DNAAF9: variants seen among roughly 807,000 people sequenced by gnomAD.
DNAAF9 encodes the protein dynein axonemal assembly factor 9.
A neutral mutation model predicts 167.0 loss-of-function variants in DNAAF9; 90 were observed. That is an observed-to-expected ratio of 0.54 (90% confidence interval 0.45 to 0.64). The LOEUF (loss-of-function observed/expected upper bound fraction) is 0.64, where lower values mean the gene tolerates loss of function less well. Ranked by LOEUF, DNAAF9 falls within the 30% of genes least tolerant of loss-of-function variation. DNAAF9 has a pLI of 0.00. For missense variants in DNAAF9, 1,315 were observed against 1,442.2 expected, an observed-to-expected ratio of 0.91 and a Z score of 1.43; for synonymous variants, 491 against 508.8, an observed-to-expected ratio of 0.96 and a Z score of 0.47.
intron 30 of DNAAF9, among the ~76,000 whole-genome samples, chr20:3,268,920 T>TTTTTTTTTTTC (rs1568568208): frequency 7.9e-6 from 1 of 126,880 alleles, no homozygotes; most frequent in African/African-American, 3.0e-5. Context: ...TTTTTTTTTT[T>TTTTTTTTTTTC]TGAGACAGAG....
chr20:3,279,070 GC>G, intron 28 of DNAAF9, 121 bp from the exon 29 acceptor site: 2 of 736,372 alleles, frequency 2.7e-6, no homozygotes, highest in Non-Finnish European at 4.8e-6. Context: ...GAGGCAGGTG[GC>G]AGCAGCACTG....
chr20:3,405,244 C>A (rs1314449412), intron 1 of DNAAF9, among the ~76,000 whole-genome samples: 1 of 152,166 alleles, frequency 6.6e-6, no homozygotes, highest in Non-Finnish European at 1.5e-5. Context: ...TATTTTAATT[C>A]TTGATCTCCA....
rs374956285 is a variant in DNAAF9, at chr20:3,298,057, G to C, written c.1901C>G (p.Ser634Trp). 1 of 1,613,116 alleles carries C rather than the reference G, an allele frequency of 6.2e-7. No individual in the cohort carries two copies. Among genetic ancestry groups the C allele is most frequent in the Admixed American group, 1.7e-5 (1 of 60,008 alleles). Residue 634 changes from serine (S) to tryptophan (W), a missense_variant, in exon 22 of 37, where the codon TCG becomes TGG. Transcript: ENST00000252032. Reference protein sequence around the residue: ...NFLMIALFPKSKIYQAFYSEV... With the variant: ...NFLMIALFPKWKIYQAFYSEV... ...TGAGTAAAATGCTTGGTATATCTTC[G>C]ATTTGGGGAAAAGGGCAATCATCAG...
intron 6 of DNAAF9, among the ~76,000 whole-genome samples, chr20:3,368,813 C>T (rs983823435): frequency 6.6e-6 from 1 of 152,070 alleles, no homozygotes; most frequent in African/African-American, 2.4e-5. Flanking sequence ...CCACTGCGCC[C>T]GGCCATCCTG....
chr20:3,288,790 A>C (rs1239765616), intron 26 of DNAAF9, among the ~76,000 whole-genome samples: 2 of 152,094 alleles, frequency 1.3e-5, no homozygotes, highest in African/African-American at 2.4e-5. Flanking sequence ...TCCTGATTTC[A>C]CCTGGGCCAA....
chr20:3,274,425 G>A (rs931279208), intron 29 of DNAAF9, among the ~76,000 whole-genome samples: 4 of 152,188 alleles, frequency 2.6e-5, no homozygotes, highest in Non-Finnish European at 5.9e-5. Context: ...ATGCAGGTGT[G>A]AGCCACTGCG....
At chr20:3,340,433 T>TCCGGGGGGGGCCCCCCCCCCCCCC in intron 10 of DNAAF9, 71 bp downstream of exon 10, 1 of 221,212 alleles carries the variant, frequency 4.5e-6, no homozygotes, top group East Asian at 1.2e-4. Context: ...TTTGTCTAGC[T>TCCGGGGGGGGCCCCCCCCCCCCCC]CCCCCCACCC....
intron 25 of DNAAF9, 39 bp downstream of exon 25, chr20:3,294,093 GATCATCT>G (rs1185237563): frequency 9.3e-7 from 1 of 1,080,860 alleles, no homozygotes; most frequent in South Asian, 1.3e-5. Context: ...AGGCTCTCAA[GATCATCT>G]TCCTGTGAAT....
At chr20:3,363,631 C>T (rs900795295) in intron 6 of DNAAF9, among the ~76,000 whole-genome samples, 1 of 150,366 alleles carries the variant, frequency 6.7e-6, no homozygotes. Context: ...AGCAGGAGGA[C>T]AGTATGAGCC....
At position 3,369,675 on chromosome 20, in the gene DNAAF9, C is replaced by A. The variant is rs116696284; in HGVS notation, c.612+4373G>T. Among the ~76,000 whole-genome samples the A allele has an allele frequency of 9.0e-3, 1,378 of 152,284 alleles. 22 individuals are homozygous for A. The highest frequency in any genetic ancestry group is 0.032 in the African/African-American group (1,323 of 41,544). On this transcript the variant is annotated intron_variant, in intron 6 of 36. Coordinates refer to ENST00000252032, the MANE Select transcript of DNAAF9 (RefSeq NM_001009984.3). ...TACAGGTGTGAGCCACCAAGCCCGG[C>A]CTAAAGTTAACTTTAAAGGTTAAAG...
chr20:3,269,159 G>A (rs1219605205), intron 30 of DNAAF9, among the ~76,000 whole-genome samples: 1 of 150,718 alleles, frequency 6.6e-6, no homozygotes, highest in Admixed American at 6.6e-5. Flanking sequence ...CGCCTGCCTT[G>A]GCCTCCCAAA....
intron 10 of DNAAF9, among the ~76,000 whole-genome samples, chr20:3,333,964 C>T (rs1005914960): frequency 1.5e-4 from 23 of 152,096 alleles, no homozygotes; most frequent in East Asian, 7.7e-4. Context: ...TCATAGAGCA[C>T]GACTCTTAAA....
At chr20:3,328,959 T>A (rs2069768906) in intron 12 of DNAAF9, among the ~76,000 whole-genome samples, 1 of 150,780 alleles carries the variant, frequency 6.6e-6, no homozygotes, top group Non-Finnish European at 1.5e-5. Context: ...AACCTCTGTA[T>A]CCCAGGTTCA....
chr20:3,310,079 C>T (rs563643980), intron 20 of DNAAF9, among the ~76,000 whole-genome samples: 1 of 152,062 alleles, frequency 6.6e-6, no homozygotes, highest in Non-Finnish European at 1.5e-5. Context: ...GTAATCCCAG[C>T]TACTCGGGAG....
intron 6 of DNAAF9, among the ~76,000 whole-genome samples, chr20:3,371,488 C>A (rs1015105350): frequency 6.6e-6 from 1 of 151,570 alleles, no homozygotes; most frequent in African/African-American, 2.4e-5. Context: ...GGACTACAGG[C>A]GCCTGCCACC....
chr20:3,296,219 G>A (rs1246891655), intron 23 of DNAAF9: 2 of 520,122 alleles, frequency 3.8e-6, no homozygotes, highest in Non-Finnish European at 7.6e-6. Flanking sequence ...CAGTGAGCCA[G>A]GACCGCACCA....
At position 3,250,787 on chromosome 20, in the gene DNAAF9, T is replaced by TA. The variant is rs143502679; in HGVS notation, c.*1784dup. ...ATTTAAAACTTCACAGCAGCCCACT[T>TA]AGAGAAATGGCCTGTGGTTCCCACC... On this transcript the variant is annotated 3_prime_UTR_variant, in exon 37 of 37. Coordinates refer to ENST00000252032, the MANE Select transcript of DNAAF9 (RefSeq NM_001009984.3). The TA allele has an allele frequency of 3.9e-5, 6 of 152,364 alleles. No homozygotes were observed. The highest frequency in any genetic ancestry group is 3.9e-4 in the East Asian group (2 of 5,186). 9.4% of individuals were successfully genotyped at this position (152,364 alleles called of 1,614,324 possible).
chr20:3,284,173 CTTTTTT>C lies in DNAAF9; in HGVS notation c.2487-2413_2487-2408del, dbSNP rs200633758. 2.6e-3 allele frequency among the ~76,000 whole-genome samples: 307 copies of C among 118,238 alleles called. 1 individual carries two copies. Among genetic ancestry groups the C allele is most frequent in the African/African-American group, 8.5e-3 (282 of 33,212 alleles). The allele number at this position is 118,238 out of a possible 152,430, so 77.6% of individuals were successfully genotyped here. ...AGCACCACGCTCAAGTTACTAGAGT[CTTTTTT>C]TTTTTTTTTTTTTTTTTTTGAGACA... On this transcript the variant is annotated intron_variant, in intron 27 of 36. Transcript: ENST00000252032.
intron 30 of DNAAF9, among the ~76,000 whole-genome samples, chr20:3,268,503 A>C (rs993156357): frequency 5.9e-5 from 9 of 151,632 alleles, no homozygotes; most frequent in Non-Finnish European, 1.2e-4. Flanking sequence ...TAAGTTTTGT[A>C]TTTTTAGTAG....
Sources: allele counts gnomAD v4.1 joint callset (sites outside exome capture counted in the v4.1 genomes callset), GRCh38; gene constraint gnomAD v4.1.1; transcripts MANE v1.5; gene names NCBI Gene and HGNC (gene_info 2026-07-23, HGNC 2026-07-21).